RABGAP1L: variants seen among roughly 807,000 people sequenced by gnomAD.
RABGAP1L encodes rab GTPase-activating protein 1-like.
In RABGAP1L, 63 loss-of-function variants were observed where a neutral mutation model predicts 137.7. The observed-to-expected ratio is 0.46, with a 90% CI of 0.37 to 0.56. The LOEUF is 0.56. Ranked by LOEUF, RABGAP1L falls within the 20% of genes least tolerant of loss-of-function variation. The pLI, the probability that RABGAP1L is intolerant of heterozygous loss-of-function variation, is 0.00. For synonymous variants in RABGAP1L, 431 were observed against 433.7 expected, an observed-to-expected ratio of 0.99 and a Z score of 0.08; for missense variants, 1,095 against 1,244.0, an observed-to-expected ratio of 0.88 and a Z score of 1.80.
At chr1:174,183,089 G>A (rs1265574400) in intron 1 of RABGAP1L, among the ~76,000 whole-genome samples, 1 of 152,036 alleles carries the variant, frequency 6.6e-6, no homozygotes, top group Admixed American at 6.6e-5. Context: ...TAGACTGTGA[G>A]CCCCTTTAAG....
chr1:174,427,142 TTATGTGTG>T (rs1192293037), intron 13 of RABGAP1L, among the ~76,000 whole-genome samples: 1 of 115,466 alleles, frequency 8.7e-6, no homozygotes, highest in African/African-American at 3.4e-5. Context: ...CTCCGCATGT[TTATGTGTG>T]TGTGTGTGTG....
chr1:174,666,452 CAT>C (rs770781940), intron 14 of RABGAP1L, among the ~76,000 whole-genome samples: 37 of 152,262 alleles, frequency 2.4e-4, no homozygotes, highest in Non-Finnish European at 3.1e-4. Context: ...ATTGGAGAAA[CAT>C]GTGTCAGAGT....
At chr1:174,725,439 G>A (rs193082) in intron 17 of RABGAP1L, among the ~76,000 whole-genome samples, 56,700 of 151,990 alleles carry the variant, frequency 0.37, 13,931 homozygotes, top group African/African-American at 0.7. Flanking sequence ...ATTTGTTGTT[G>A]TTGTTTACTT....
At chr1:174,869,716 G>T (rs371987284) in intron 19 of RABGAP1L, among the ~76,000 whole-genome samples, 2 of 152,080 alleles carry the variant, frequency 1.3e-5, no homozygotes, top group African/African-American at 2.4e-5. Flanking sequence ...CAAATGTGAC[G>T]ATATTAAGAG....
At chr1:174,396,684 C>T (rs1468167827) in intron 13 of RABGAP1L, among the ~76,000 whole-genome samples, 3 of 151,806 alleles carry the variant, frequency 2.0e-5, no homozygotes, top group African/African-American at 7.3e-5. Context: ...ATAATTCATA[C>T]CTTTAAAAAT....
intron 13 of RABGAP1L, among the ~76,000 whole-genome samples, chr1:174,407,162 C>G (rs1649372940): frequency 6.6e-6 from 1 of 152,076 alleles, no homozygotes; most frequent in African/African-American, 2.4e-5. Context: ...AGCTGATACC[C>G]ATGAGGCACC....
intron 10 of RABGAP1L, among the ~76,000 whole-genome samples, chr1:174,284,871 T>G (rs1201481062): frequency 6.6e-6 from 1 of 151,464 alleles, no homozygotes; most frequent in East Asian, 1.9e-4. Flanking sequence ...AAAATGCCAT[T>G]GGGATTTCGA....
chr1:174,313,383 C>T (rs545664145), intron 11 of RABGAP1L, among the ~76,000 whole-genome samples: 79 of 152,180 alleles, frequency 5.2e-4, no homozygotes, highest in African/African-American at 1.9e-3. Flanking sequence ...TAGGGTTTTC[C>T]AAATATAAGA....
Position 174,597,565 on chromosome 1 carries a change from T to A in RABGAP1L, c.1711-39810T>A, listed in dbSNP as rs369195599. ...TGTGGAATCAGTTGTAATTTTTTTTTAATCTCTGATTTTATTTATTTGTCT... is the reference window on the plus strand; with the variant it reads ...TGTGGAATCAGTTGTAATTTTTTTTAAATCTCTGATTTTATTTATTTGTCT... On this transcript the variant is annotated intron_variant, in intron 13 of 25. Transcript: ENST00000681986. Among the ~76,000 whole-genome samples the A allele has an allele frequency of 1.9e-4, 29 of 152,216 alleles. 1 individual carries two copies. Among genetic ancestry groups the A allele is most frequent in the African/African-American group, 6.3e-4 (26 of 41,556 alleles).
Position 174,370,995 on chromosome 1 carries a change from C to T in RABGAP1L, c.1482C>T (p.Leu494=). ...CTTCTGCAGAGAGTGATAATGAACT[C>T]TCAAGTGGAACAGGTGATGTGTCTA... ...DEAEEESDNE[L]SSGTGDVSKD... is the part of the protein sequence containing the mutation. Residue 494 remains leucine (L), a synonymous_variant, in exon 12 of 26, where the codon CTC becomes CTT. Transcript: ENST00000681986. 1 of 1,486,514 alleles carries T rather than the reference C, an allele frequency of 6.7e-7. No homozygotes were observed. The highest frequency in any genetic ancestry group is 9.1e-7 in the Non-Finnish European group (1 of 1,097,292). The allele number at this position is 1,486,514 out of a possible 1,614,324, so 92.1% of individuals were successfully genotyped here.
chr1:174,171,821 T>C (rs1280067068), intron 1 of RABGAP1L, among the ~76,000 whole-genome samples: 2 of 151,192 alleles, frequency 1.3e-5, no homozygotes, highest in East Asian at 1.9e-4. Flanking sequence ...ACCAAAATGG[T>C]GAAAACCCGT....
chr1:174,587,149 T>C lies in RABGAP1L; in HGVS notation c.1711-50226T>C, dbSNP rs998554322. 7.3e-5 allele frequency among the ~76,000 whole-genome samples: 11 copies of C among 151,484 alleles called. No individual in the cohort carries two copies. The East Asian group carries it at 1.9e-3, about 27-fold the overall frequency. ...ACATTTTCTTAATCCAGTCTATCATTGTTGGACATTTGGGTTGGTTCCAAG... is the reference window on the plus strand; with the variant it reads ...ACATTTTCTTAATCCAGTCTATCATCGTTGGACATTTGGGTTGGTTCCAAG... On this transcript the variant is annotated intron_variant, in intron 13 of 25. Transcript: ENST00000681986.
intron 20 of RABGAP1L, among the ~76,000 whole-genome samples, chr1:174,958,983 C>T (rs891404276): frequency 1.3e-5 from 2 of 152,200 alleles, no homozygotes; most frequent in African/African-American, 4.8e-5. Flanking sequence ...CCTACTACTA[C>T]AGATTATGCA....
At chr1:174,487,025 T>A (rs1272723379) in intron 13 of RABGAP1L, among the ~76,000 whole-genome samples, 1 of 152,226 alleles carries the variant, frequency 6.6e-6, no homozygotes, top group Non-Finnish European at 1.5e-5. Flanking sequence ...GTTTTAAGAC[T>A]TATTTTGTGA....
chr1:174,988,549 T>C, intron 24 of RABGAP1L, 92 bp from the exon 25 acceptor site: 1 of 1,135,320 alleles, frequency 8.8e-7, no homozygotes, highest in South Asian at 2.0e-5. Flanking sequence ...TCTATGACAA[T>C]AAGCAGCATC....
At chr1:174,327,244 CAA>C (rs1680509499) in intron 11 of RABGAP1L, among the ~76,000 whole-genome samples, 2 of 151,790 alleles carry the variant, frequency 1.3e-5, no homozygotes, top group Non-Finnish European at 2.9e-5. Flanking sequence ...AAAGACAAAA[CAA>C]AAATAATAGC....
chr1:174,257,540 A>G (rs1208115165), intron 7 of RABGAP1L, among the ~76,000 whole-genome samples: 1 of 152,212 alleles, frequency 6.6e-6, no homozygotes, highest in African/African-American at 2.4e-5. Flanking sequence ...CCACCCTTAT[A>G]TTCATACAAC....
intron 13 of RABGAP1L, among the ~76,000 whole-genome samples, chr1:174,574,693 C>T (rs1212705036): frequency 6.6e-6 from 1 of 152,124 alleles, no homozygotes. Flanking sequence ...TGATGTGGCA[C>T]TTTTTCTCAA....
intron 18 of RABGAP1L, among the ~76,000 whole-genome samples, chr1:174,793,047 A>T (rs1687976714): frequency 6.6e-6 from 1 of 152,022 alleles, no homozygotes; most frequent in South Asian, 2.1e-4. Flanking sequence ...CAGGAGAATC[A>T]CTTGAACTCA....
Sources: gnomAD v4.1 joint callset for allele counts (sites outside exome capture counted in the v4.1 genomes callset) on GRCh38, gnomAD v4.1.1 for gene constraint, MANE v1.5 for transcripts, NCBI Gene and HGNC (gene_info 2026-07-23, HGNC 2026-07-21) for gene names.